The following AFAP1 variants were observed in gnomAD, a reference collection of about 807,000 sequenced individuals.
AFAP1 encodes the protein actin filament-associated protein 1.
In AFAP1, 75 loss-of-function variants were observed where a neutral mutation model predicts 93.9. The observed-to-expected ratio is 0.80, with a 90% CI of 0.66 to 0.97. AFAP1 has a LOEUF of 0.97. AFAP1 is among the 50% of genes least tolerant of loss of function. The pLI is 0.00. For synonymous variants in AFAP1, 517 were observed against 430.7 expected, an observed-to-expected ratio of 1.20 and a Z score of -2.48; for missense variants, 1,201 against 1,050.8, an observed-to-expected ratio of 1.14 and a Z score of -1.98.
intron 17 of AFAP1, among the ~76,000 whole-genome samples, chr4:7,764,531 AAAAATGCTT>A (rs1714280114): frequency 9.6e-6 from 1 of 104,174 alleles, no homozygotes; most frequent in Non-Finnish European, 2.8e-5. Context: ...CTGTAGACTT[AAAAATGCTT>A]AAAATGGTCA....
At chr4:7,888,169 C>T (rs574695882) in intron 1 of AFAP1, among the ~76,000 whole-genome samples, 1 of 152,364 alleles carries the variant, frequency 6.6e-6, no homozygotes, top group Admixed American at 6.5e-5. Context: ...TTTGTTTCAA[C>T]ACAAAAACTT....
chr4:7,779,746 A>G (rs1208684315), intron 13 of AFAP1, among the ~76,000 whole-genome samples: 1 of 152,186 alleles, frequency 6.6e-6, no homozygotes, highest in Non-Finnish European at 1.5e-5. Context: ...AAAAACATAA[A>G]GAGATACCTC....
At chr4:7,899,371 T>C (rs933177509) in intron 1 of AFAP1, among the ~76,000 whole-genome samples, 65 of 152,202 alleles carry the variant, frequency 4.3e-4, no homozygotes, top group African/African-American at 1.5e-3. Flanking sequence ...AAACAGTGGC[T>C]GGGTGAATGA....
chr4:7,861,479 T>C (rs1183850145), intron 3 of AFAP1, among the ~76,000 whole-genome samples: 1 of 152,228 alleles, frequency 6.6e-6, no homozygotes, highest in Non-Finnish European at 1.5e-5. Context: ...TTACACCCCA[T>C]TCCATTGTGA....
chr4:7,845,222 G>A (rs1452928795), intron 4 of AFAP1, among the ~76,000 whole-genome samples: 2 of 152,018 alleles, frequency 1.3e-5, no homozygotes, highest in African/African-American at 4.8e-5. Flanking sequence ...AGGAGTTCAA[G>A]ACCAAGCCTG....
At chr4:7,772,016 A>T (rs368589645) in intron 16 of AFAP1, among the ~76,000 whole-genome samples, 1 of 152,196 alleles carries the variant, frequency 6.6e-6, no homozygotes, top group East Asian at 1.9e-4. Flanking sequence ...CCCAGGGCTC[A>T]TGTGGAAGAG....
At chr4:7,787,237 G>C (rs1176862559) in intron 11 of AFAP1, among the ~76,000 whole-genome samples, 1 of 152,242 alleles carries the variant, frequency 6.6e-6, no homozygotes, top group African/African-American at 2.4e-5. Flanking sequence ...GCGGTGCCGG[G>C]AGCGTGGTGC....
chr4:7,774,488 C>T (rs1372244766), intron 15 of AFAP1: 2 of 497,506 alleles, frequency 4.0e-6, no homozygotes, highest in African/African-American at 3.9e-5. Flanking sequence ...CCAGCACCTC[C>T]CCTGCCTCGG....
intron 7 of AFAP1, 21 bp downstream of exon 7, chr4:7,819,055 C>A: frequency 6.4e-7 from 1 of 1,573,362 alleles, no homozygotes; most frequent in Non-Finnish European, 8.6e-7. Context: ...CGTCCCCACC[C>A]AGCAAGAGCA....
intron 6 of AFAP1, among the ~76,000 whole-genome samples, chr4:7,830,631 C>T (rs184356789): frequency 4.3e-4 from 65 of 152,140 alleles, no homozygotes; most frequent in African/African-American, 1.5e-3. Context: ...TCTTTAGAGA[C>T]AAGGTCTCAT....
At chr4:7,856,886 A>T (rs1715134218) in intron 3 of AFAP1, among the ~76,000 whole-genome samples, 1 of 152,210 alleles carries the variant, frequency 6.6e-6, no homozygotes, top group South Asian at 2.1e-4. Flanking sequence ...CATGAACGTC[A>T]ATCAATCCAT....
intron 6 of AFAP1, among the ~76,000 whole-genome samples, chr4:7,827,997 A>G (rs1721580037): frequency 6.6e-6 from 1 of 152,242 alleles, no homozygotes; most frequent in South Asian, 2.1e-4. Context: ...TGAACACCCA[A>G]ATCTTCAGGA....
At chr4:7,767,169 G>A (rs144411399) in intron 17 of AFAP1, among the ~76,000 whole-genome samples, 3 of 152,314 alleles carry the variant, frequency 2.0e-5, no homozygotes, top group Admixed American at 6.5e-5. Context: ...CTGGAGGGAC[G>A]AGAGCAGCTT....
intron 1 of AFAP1, among the ~76,000 whole-genome samples, chr4:7,917,264 T>G (rs1720135630): frequency 6.6e-6 from 1 of 152,200 alleles, no homozygotes; most frequent in African/African-American, 2.4e-5. Flanking sequence ...GGTCTCACTG[T>G]ATCGTCATGA....
At chr4:7,846,649 A>G (rs1032952035) in intron 4 of AFAP1, among the ~76,000 whole-genome samples, 36 of 152,208 alleles carry the variant, frequency 2.4e-4, no homozygotes, top group African/African-American at 8.7e-4. Context: ...TTCCACAAAT[A>G]TGTTGTGAGC....
At chr4:7,764,054 C>A (rs892622191) in intron 17 of AFAP1, among the ~76,000 whole-genome samples, 5 of 152,218 alleles carry the variant, frequency 3.3e-5, no homozygotes, top group African/African-American at 9.6e-5. Context: ...AACCCAGTGT[C>A]CACCGATGGA....
intron 9 of AFAP1, among the ~76,000 whole-genome samples, chr4:7,802,639 C>CTTTT (rs60126839): frequency 3.1e-5 from 4 of 127,906 alleles, no homozygotes; most frequent in African/African-American, 8.7e-5. Flanking sequence ...TACATTTATT[C>CTTTT]TTTTTTTTTT....
chr4:7,901,416 C>T (rs1249205710), intron 1 of AFAP1, among the ~76,000 whole-genome samples: 2 of 152,234 alleles, frequency 1.3e-5, no homozygotes, highest in Non-Finnish European at 2.9e-5. Context: ...AGCATGTTGG[C>T]TCTCACTGTG....
chr4:7,864,038 T>C (rs866115673), intron 3 of AFAP1, among the ~76,000 whole-genome samples: 357 of 97,278 alleles, frequency 3.7e-3, no homozygotes, highest in East Asian at 0.01. Flanking sequence ...CAACTTCCCA[T>C]CACAACCCAT....
Sources: gnomAD v4.1 joint callset for allele counts (sites outside exome capture counted in the v4.1 genomes callset) on GRCh38, gnomAD v4.1.1 for gene constraint, MANE v1.5 for transcripts, NCBI Gene and HGNC (gene_info 2026-07-23, HGNC 2026-07-21) for gene names.